The following PKP1 variants were observed in gnomAD, a reference collection of about 807,000 sequenced individuals.
PKP1 encodes the protein plakophilin 1.
A neutral mutation model predicts 76.4 loss-of-function variants in PKP1; 27 were observed. The ratio of observed to expected loss-of-function variants is 0.35; its 90% CI spans 0.26 to 0.49. The LOEUF is 0.49. Ranked by LOEUF, PKP1 falls within the 20% of genes least tolerant of loss-of-function variation. The pLI, the probability that PKP1 is intolerant of heterozygous loss-of-function variation, is 0.99. For missense variants in PKP1, 964 were observed against 955.2 expected, an observed-to-expected ratio of 1.01 and a Z score of -0.12; for synonymous variants, 404 against 384.2, an observed-to-expected ratio of 1.05 and a Z score of -0.60.
chr1:201,329,417 C>T (rs1490636667), intron 13 of PKP1, among the ~76,000 whole-genome samples: 1 of 152,234 alleles, frequency 6.6e-6, no homozygotes, highest in Non-Finnish European at 1.5e-5. Flanking sequence ...AATGCACACA[C>T]TTGGCCCAGC....
intron 7 of PKP1, among the ~76,000 whole-genome samples, chr1:201,320,671 A>G (rs1656913373): frequency 6.6e-6 from 1 of 152,166 alleles, no homozygotes; most frequent in Non-Finnish European, 1.5e-5. Context: ...AATCATATCA[A>G]CCTCAAGGGT....
At chr1:201,311,463 A>T (rs1477358622) in intron 2 of PKP1, among the ~76,000 whole-genome samples, 1 of 152,172 alleles carries the variant, frequency 6.6e-6, no homozygotes, top group Non-Finnish European at 1.5e-5. Flanking sequence ...GCTATTGCCA[A>T]GGTTAACAGT....
Sources: gnomAD v4.1 joint callset for allele counts (sites outside exome capture counted in the v4.1 genomes callset) on GRCh38, gnomAD v4.1.1 for gene constraint, MANE v1.5 for transcripts, NCBI Gene and HGNC (gene_info 2026-07-23, HGNC 2026-07-21) for gene names.